NFIA: variants seen among roughly 807,000 people sequenced by gnomAD.
NFIA encodes nuclear factor 1 A-type.
NFIA carries 8 observed loss-of-function variants against 62.8 expected under a neutral mutation model. That is an observed-to-expected ratio of 0.13 (90% CI 0.07 to 0.23). The LOEUF (loss-of-function observed/expected upper bound fraction) is 0.23. Among genes scored for constraint, NFIA ranks in the 10% least tolerant of loss-of-function variants. The pLI is 1.00. For missense variants in NFIA, 410 were observed against 642.1 expected (o/e 0.64, Z 3.91); for synonymous variants, 235 against 238.1 (o/e 0.99, Z 0.12).
At chr1:61,118,079 G>A (rs1216919976) in intron 2 of NFIA, among the ~76,000 whole-genome samples, 2 of 151,896 alleles carry the variant, frequency 1.3e-5, no homozygotes, top group Non-Finnish European at 2.9e-5. Flanking sequence ...CAGCTACTCA[G>A]GAGGTTGAGA....
chr1:61,128,797 G>C (rs1386494879), intron 2 of NFIA, among the ~76,000 whole-genome samples: 1 of 151,676 alleles, frequency 6.6e-6, no homozygotes, highest in Non-Finnish European at 1.5e-5. Context: ...ACCTTAGGGA[G>C]ATCTGTTGAT....
At chr1:61,166,176 G>T (rs1649551878) in intron 2 of NFIA, among the ~76,000 whole-genome samples, 1 of 152,108 alleles carries the variant, frequency 6.6e-6, no homozygotes, top group South Asian at 2.1e-4. Flanking sequence ...AAAAGAGTAG[G>T]GAAACCTATT....
At chr1:61,373,160 G>A (rs1256307893) in intron 6 of NFIA, among the ~76,000 whole-genome samples, 4 of 152,096 alleles carry the variant, frequency 2.6e-5, no homozygotes, top group African/African-American at 7.2e-5. Flanking sequence ...CAAAGAATGG[G>A]GTTATTGAAG....
At chr1:61,285,254 C>T (rs1470623538) in intron 3 of NFIA, among the ~76,000 whole-genome samples, 2 of 152,086 alleles carry the variant, frequency 1.3e-5, no homozygotes, top group East Asian at 1.9e-4. Flanking sequence ...CATACCTCCC[C>T]ATCAATTAAA....
At chr1:61,401,820 G>T (rs944294961) in intron 7 of NFIA, among the ~76,000 whole-genome samples, 8 of 152,122 alleles carry the variant, frequency 5.3e-5, no homozygotes, top group Non-Finnish European at 1.2e-4. Context: ...CAGACGCAGG[G>T]TACCGAGTAC....
rs1388876052 is a variant in NFIA, at chr1:61,406,613, A to G, written c.1306A>G (p.Met436Val). 1.4e-6 allele frequency: 2 copies of G among 1,475,478 alleles called. No homozygotes were observed. The highest frequency in any genetic ancestry group is 1.8e-6 in the Non-Finnish European group (2 of 1,104,754). The allele number at this position is 1,475,478 out of a possible 1,614,324, so 91.4% of individuals were successfully genotyped here. Residue 436 changes from methionine (M) to valine (V), a missense_variant, in exon 9 of 11, where the codon ATG becomes GTG. By Grantham distance (21) the Met-to-Val change is conservative. Transcript: ENST00000403491. ...GCACAACCCATTCCTTCCCACCCCA[A>G]TGTTGCCACCGCCACCGCCACCACC... ...KVHNPFLPTP[M>V]LPPPPPPPMA...
intron 7 of NFIA, among the ~76,000 whole-genome samples, chr1:61,387,478 T>TGTTTGTTTG (rs1553180854): frequency 4.9e-5 from 7 of 142,810 alleles, no homozygotes; most frequent in African/African-American, 1.8e-4. Flanking sequence ...CTTTTTTTTT[T>TGTTTGTTTG]TTTTTTTTTT....
chr1:61,354,967 A>G (rs1369075255), intron 5 of NFIA, among the ~76,000 whole-genome samples: 1 of 152,060 alleles, frequency 6.6e-6, no homozygotes, highest in Non-Finnish European at 1.5e-5. Context: ...AGTGGTAGAG[A>G]CTGAGAAGTG....
intron 3 of NFIA, among the ~76,000 whole-genome samples, chr1:61,305,234 G>T (rs1659701730): frequency 6.6e-6 from 1 of 152,118 alleles, no homozygotes; most frequent in Non-Finnish European, 1.5e-5. Flanking sequence ...AAGGTAGCCA[G>T]AGGCAAATAC....
chr1:61,283,581 C>CAAAAAAAAAAAAAAAAAAAA lies in NFIA; in HGVS notation c.625+6004_625+6023dup, dbSNP rs576613886. Among the ~76,000 whole-genome samples, 21 of 36,690 alleles carry CAAAAAAAAAAAAAAAAAAAA rather than the reference C, an allele frequency of 5.7e-4. 2 individuals are homozygous for CAAAAAAAAAAAAAAAAAAAA. Among genetic ancestry groups the CAAAAAAAAAAAAAAAAAAAA allele is most frequent in the East Asian group, 3.7e-3 (4 of 1,092 alleles). The allele number at this position is 36,690 out of a possible 152,430, so 24.1% of individuals were successfully genotyped here. ...TGGGTGACAGAACGAGACTCTGTCT[C>CAAAAAAAAAAAAAAAAAAAA]AAAAAAAAAAAAAAAAAAAAAAAAA... is the stretch of plus-strand genomic sequence containing the variant. On this transcript the variant is annotated intron_variant, in intron 3 of 10. Coordinates refer to ENST00000403491, the MANE Select transcript of NFIA (RefSeq NM_001134673.4).
rs1647427270 is a variant in NFIA at position 61,140,523 on chromosome 1, AGAAAAG to A, written c.559+51844_559+51849del. 5.3e-5 allele frequency among the ~76,000 whole-genome samples: 8 copies of A among 152,284 alleles called. No individual in the cohort carries two copies. The South Asian group carries it at 1.7e-3, about 32-fold the overall frequency. Reference sequence around the variant, plus strand: ...AGAAATTATCATGTTTTCTATGTGTAGAAAAGTTTTCTCTTCGCAATGGCTTTACAT... The same window carrying A: ...AGAAATTATCATGTTTTCTATGTGTATTTTCTCTTCGCAATGGCTTTACAT... On this transcript the variant is annotated intron_variant, in intron 2 of 10. Coordinates refer to ENST00000403491, the MANE Select transcript of NFIA (RefSeq NM_001134673.4).
intron 10 of NFIA, among the ~76,000 whole-genome samples, chr1:61,450,477 CAA>C (rs1476030549): frequency 6.6e-6 from 1 of 152,176 alleles, no homozygotes; most frequent in African/African-American, 2.4e-5. Flanking sequence ...AACACCTCCC[CAA>C]GAGAGAATGC....
chr1:61,082,918 C>G, intron 1 of NFIA, 100 bp downstream of exon 1: 1 of 1,096,152 alleles, frequency 9.1e-7, no homozygotes, highest in East Asian at 6.6e-5. Flanking sequence ...CGGCCGGGCC[C>G]AGGGCGTGCG....
At chr1:61,322,957 A>G (rs1007726254) in intron 3 of NFIA, among the ~76,000 whole-genome samples, 6 of 152,184 alleles carry the variant, frequency 3.9e-5, no homozygotes, top group African/African-American at 1.4e-4. Context: ...CTCTATGGCT[A>G]TGGCAGAAAT....
intron 2 of NFIA, among the ~76,000 whole-genome samples, chr1:61,194,137 A>G (rs1248579270): frequency 6.6e-6 from 1 of 152,206 alleles, no homozygotes; most frequent in Non-Finnish European, 1.5e-5. Context: ...TCAAATCCTT[A>G]CTATAGATGA....
chr1:61,111,070 TA>T (rs1225548280), intron 2 of NFIA, among the ~76,000 whole-genome samples: 8 of 152,110 alleles, frequency 5.3e-5, no homozygotes, highest in Non-Finnish European at 1.0e-4. Context: ...TAATAGGACA[TA>T]ATTACTTTCC....
chr1:61,396,124 A>G (rs774530010), intron 7 of NFIA, among the ~76,000 whole-genome samples: 6 of 152,342 alleles, frequency 3.9e-5, no homozygotes, highest in East Asian at 1.9e-4. Flanking sequence ...CCACATTTAT[A>G]ATATGCCAGG....
chr1:61,128,148 C>G (rs1430956776), intron 2 of NFIA, among the ~76,000 whole-genome samples: 7 of 151,916 alleles, frequency 4.6e-5, no homozygotes, highest in Admixed American at 2.6e-4. Flanking sequence ...GTGGAGTCCC[C>G]CTATGTTGCC....
chr1:61,434,432 C>T (rs1667241301), intron 10 of NFIA, among the ~76,000 whole-genome samples: 2 of 152,192 alleles, frequency 1.3e-5, no homozygotes, highest in South Asian at 2.1e-4. Flanking sequence ...ATTCTCTTCA[C>T]ATACACTTGG....
Sources: gnomAD v4.1 joint callset for allele counts (sites outside exome capture counted in the v4.1 genomes callset) on GRCh38, gnomAD v4.1.1 for gene constraint, MANE v1.5 for transcripts, NCBI Gene and HGNC (gene_info 2026-07-23, HGNC 2026-07-21) for gene names.